Variants in KIAA0825 observed in about 807,000 individuals in gnomAD.
The protein encoded by KIAA0825 is uncharacterized protein KIAA0825.
Under a neutral mutation model 147.6 loss-of-function variants are expected in KIAA0825, and 119 were observed. The observed-to-expected ratio is 0.81, with a 90% CI of 0.69 to 0.94. The LOEUF (loss-of-function observed/expected upper bound fraction) is 0.94. Among genes scored for constraint, KIAA0825 ranks in the 40% least tolerant of loss-of-function variants. The pLI, the probability that KIAA0825 is intolerant of heterozygous loss-of-function variation, is 0.00. For missense variants in KIAA0825, 1,381 were observed against 1,472.7 expected, an observed-to-expected ratio of 0.94 and a Z score of 1.02; for synonymous variants, 470 against 518.1, an observed-to-expected ratio of 0.91 and a Z score of 1.26.
chr5:94,419,290 G>A (rs973640332), intron 14 of KIAA0825, among the ~76,000 whole-genome samples: 1 of 152,076 alleles, frequency 6.6e-6, no homozygotes, highest in Non-Finnish European at 1.5e-5. Flanking sequence ...CCTAATCCAG[G>A]CTTTCATAAT....
chr5:94,562,145 T>G (rs1365423499), intron 2 of KIAA0825, among the ~76,000 whole-genome samples: 1 of 152,206 alleles, frequency 6.6e-6, no homozygotes, highest in African/African-American at 2.4e-5. Flanking sequence ...GTTTTAAAAT[T>G]CTATGATTTA....
chr5:94,513,752 T>A (rs1347250946), intron 5 of KIAA0825, among the ~76,000 whole-genome samples: 2 of 151,944 alleles, frequency 1.3e-5, no homozygotes, highest in Non-Finnish European at 2.9e-5. Flanking sequence ...CACCCTCCCC[T>A]TATACCCATA....
At chr5:94,311,576 T>C (rs570852935) in intron 20 of KIAA0825, among the ~76,000 whole-genome samples, 1 of 151,808 alleles carries the variant, frequency 6.6e-6, no homozygotes, top group Admixed American at 6.6e-5. Context: ...AAAAGCTTTT[T>C]AGAAAGTCTC....
At chr5:94,329,218 T>C (rs1781018156) in intron 20 of KIAA0825, among the ~76,000 whole-genome samples, 1 of 151,652 alleles carries the variant, frequency 6.6e-6, no homozygotes, top group Non-Finnish European at 1.5e-5. Context: ...AGAAACAAAC[T>C]AAAGATAAAA....
Position 94,153,929 on chromosome 5 carries a change from A to T in KIAA0825, c.*78T>A. The T allele has an allele frequency of 1.0e-6, 1 of 973,238 alleles. No homozygotes were observed. The highest frequency in any genetic ancestry group is 1.4e-5 in the South Asian group (1 of 69,872). The allele number at this position is 973,238 out of a possible 1,614,324, so 60.3% of individuals were successfully genotyped here. ...ATGCTTCACAGCACATATGAGGTTC[A>T]TTCTGACTATGGTAAAAAATCCTAC... is the stretch of plus-strand genomic sequence containing the variant. On this transcript the variant is annotated 3_prime_UTR_variant, in exon 21 of 21. Transcript: ENST00000682413.
At chr5:94,303,919 T>A (rs540356911) in intron 20 of KIAA0825, among the ~76,000 whole-genome samples, 1 of 152,080 alleles carries the variant, frequency 6.6e-6, no homozygotes, top group African/African-American at 2.4e-5. Flanking sequence ...AGCTTAATAC[T>A]ATCATGATTT....
chr5:94,199,644 G>A (rs1771475919), intron 20 of KIAA0825, among the ~76,000 whole-genome samples: 2 of 152,206 alleles, frequency 1.3e-5, no homozygotes, highest in East Asian at 1.9e-4. Context: ...GTGTGTATCA[G>A]TGAGGCAGTG....
intron 20 of KIAA0825, among the ~76,000 whole-genome samples, chr5:94,334,169 T>C (rs997871797): frequency 1.3e-5 from 2 of 152,220 alleles, no homozygotes; most frequent in African/African-American, 4.8e-5. Flanking sequence ...TGAAAGACCA[T>C]AAACTATGCT....
chr5:94,564,672 G>C (rs561844799), intron 2 of KIAA0825, among the ~76,000 whole-genome samples: 46 of 151,868 alleles, frequency 3.0e-4, no homozygotes, highest in Admixed American at 9.2e-4. Flanking sequence ...CCAAAATGCT[G>C]GGATTACAGG....
chr5:94,458,452 C>T, intron 12 of KIAA0825, among the ~76,000 whole-genome samples: 1 of 152,270 alleles, frequency 6.6e-6, no homozygotes, highest in East Asian at 1.9e-4. Context: ...AGGTTGAGAA[C>T]AGGACACTAG....
At chr5:94,270,839 C>T (rs1776948857) in intron 20 of KIAA0825, among the ~76,000 whole-genome samples, 1 of 151,930 alleles carries the variant, frequency 6.6e-6, no homozygotes, top group African/African-American at 2.4e-5. Context: ...TGGCATTGCT[C>T]ATAAAGAATG....
At chr5:94,465,662 T>A (rs370663260) in intron 10 of KIAA0825, among the ~76,000 whole-genome samples, 2 of 152,344 alleles carry the variant, frequency 1.3e-5, no homozygotes, top group East Asian at 3.9e-4. Context: ...ACCACAATAG[T>A]CTGAGTTTAC....
At chr5:94,374,632 T>A (rs1180182308) in intron 20 of KIAA0825, among the ~76,000 whole-genome samples, 1 of 152,126 alleles carries the variant, frequency 6.6e-6, no homozygotes, top group Admixed American at 6.5e-5. Flanking sequence ...GCTAGTCCAT[T>A]CCTACAAGGC....
intron 15 of KIAA0825, among the ~76,000 whole-genome samples, chr5:94,407,989 C>T (rs1752284484): frequency 6.6e-6 from 1 of 152,016 alleles, no homozygotes; most frequent in Non-Finnish European, 1.5e-5. Context: ...TATTTTAAGC[C>T]GTATGACAGA....
chr5:94,341,641 T>A (rs1270569622), intron 20 of KIAA0825, among the ~76,000 whole-genome samples: 2 of 152,184 alleles, frequency 1.3e-5, no homozygotes, highest in Non-Finnish European at 2.9e-5. Context: ...CCTATCCTTT[T>A]CCAAATATTA....
At chr5:94,256,395 CTA>C (rs1481976262) in intron 20 of KIAA0825, among the ~76,000 whole-genome samples, 3 of 152,098 alleles carry the variant, frequency 2.0e-5, no homozygotes, top group East Asian at 1.9e-4. Flanking sequence ...AGGATAATCA[CTA>C]TCTTTTCTTG....
At chr5:94,383,780 T>C (rs1258391710) in intron 20 of KIAA0825, among the ~76,000 whole-genome samples, 22 of 145,660 alleles carry the variant, frequency 1.5e-4, no homozygotes. Context: ...CATTGGATTA[T>C]ACTGCTCTGT....
chr5:94,585,942 C>T (rs908378625), intron 1 of KIAA0825, among the ~76,000 whole-genome samples: 2 of 151,928 alleles, frequency 1.3e-5, no homozygotes, highest in Non-Finnish European at 1.5e-5. Context: ...GAGTGATTAC[C>T]GGGTAAATAA....
chr5:94,355,678 G>T (rs1222338761), intron 20 of KIAA0825, among the ~76,000 whole-genome samples: 1 of 152,148 alleles, frequency 6.6e-6, no homozygotes, highest in African/African-American at 2.4e-5. Flanking sequence ...TTACTAAATA[G>T]ATGATTTGGT....
Sources: gnomAD v4.1 joint callset for allele counts (sites outside exome capture counted in the v4.1 genomes callset) on GRCh38, gnomAD v4.1.1 for gene constraint, MANE v1.5 for transcripts, NCBI Gene and HGNC (gene_info 2026-07-23, HGNC 2026-07-21) for gene names.